Variants in MRTFB observed in about 807,000 individuals in gnomAD.
MRTFB encodes the protein myocardin-related transcription factor B.
Under a neutral mutation model 104.2 loss-of-function variants are expected in MRTFB, and 29 were observed. The ratio of observed to expected loss-of-function variants is 0.28; its 90% CI spans 0.21 to 0.38. The LOEUF is 0.38. Ranked by LOEUF, MRTFB falls within the 10% of genes least tolerant of loss-of-function variation. MRTFB has a pLI of 1.00. For missense variants in MRTFB, 1,270 were observed against 1,341.6 expected, an observed-to-expected ratio of 0.95 and a Z score of 0.83; for synonymous variants, 535 against 519.5, an observed-to-expected ratio of 1.03 and a Z score of -0.41.
the MRTFB span, among the ~76,000 whole-genome samples, chr16:14,022,408 CT>C: frequency 6.6e-6 from 1 of 151,484 alleles, no homozygotes; most frequent in Non-Finnish European, 1.5e-5. Flanking sequence ...AAAAGCATTT[CT>C]TTTTTTTTGA....
intron 15 of MRTFB, among the ~76,000 whole-genome samples, chr16:14,255,852 G>A (rs771446406): frequency 3.3e-5 from 5 of 151,760 alleles, no homozygotes; most frequent in African/African-American, 4.8e-5. Flanking sequence ...GGCATCTCAC[G>A]CCTGTAATCT....
intron 10 of MRTFB, among the ~76,000 whole-genome samples, chr16:14,241,940 C>T (rs1334087828): frequency 6.7e-6 from 1 of 150,236 alleles, no homozygotes; most frequent in Non-Finnish European, 1.5e-5. Context: ...TCCTCCACTG[C>T]CATCCTCCTT....
At chr16:14,067,831 T>A (rs887924199), upstream of MRTFB, among the ~76,000 whole-genome samples, 1 of 152,114 alleles carries the variant, frequency 6.6e-6, no homozygotes, top group Non-Finnish European at 1.5e-5. Flanking sequence ...TAAAAACTAA[T>A]TTTATTTTTA....
chr16:14,066,568 C>T (rs1049245550), upstream of MRTFB, among the ~76,000 whole-genome samples: 7 of 151,926 alleles, frequency 4.6e-5, no homozygotes, highest in Admixed American at 6.6e-5. Context: ...CCACCGTGCC[C>T]GGCCTATTTT....
At chr16:14,248,843 G>T in intron 12 of MRTFB, 83 bp from the exon 13 acceptor site, 1 of 1,433,470 alleles carries the variant, frequency 7.0e-7, no homozygotes, top group Non-Finnish European at 9.6e-7. Flanking sequence ...ATCCCCAAGT[G>T]ACCAGTGATT....
chr16:14,000,539 C>T, the MRTFB span, among the ~76,000 whole-genome samples: 1 of 152,208 alleles, frequency 6.6e-6, no homozygotes, highest in Admixed American at 6.5e-5. Flanking sequence ...AATCACACAG[C>T]TTTTTAGTGC....
rs887104915 is a variant in MRTFB at position 14,247,370 on chromosome 16, G to C, written c.2110G>C (p.Gly704Arg). The part of the protein sequence containing the change: ...VVSQFYVSSQ[G>R]QPPPAVVAQP... Reference sequence around the variant, plus strand: ...CTCGCAGTTTTATGTGAGTTCCCAGGGACAGCCACCGCCTGCTGTTGTTGC... The same window carrying C: ...CTCGCAGTTTTATGTGAGTTCCCAGCGACAGCCACCGCCTGCTGTTGTTGC... The change falls in exon 12 of 17, where the codon GGA becomes CGA. Residue 704 changes from glycine to arginine, a missense_variant. Physicochemically the swap from Gly to Arg is moderately radical, Grantham distance 125. Coordinates refer to ENST00000571589, the MANE Select transcript of MRTFB (RefSeq NM_001308142.2). 4.3e-6 allele frequency: 7 copies of C among 1,613,962 alleles called. No individual in the cohort carries two copies. In the African/African-American group the frequency reaches 9.3e-5, roughly 22 times the overall value.
At chr16:14,043,462 T>C in the MRTFB span, among the ~76,000 whole-genome samples, 1 of 152,122 alleles carries the variant, frequency 6.6e-6, no homozygotes, top group Non-Finnish European at 1.5e-5. Flanking sequence ...TGGCATGCAC[T>C]GTGGATGCCA....
At chr16:14,255,257 A>C (rs1402843768) in intron 15 of MRTFB, among the ~76,000 whole-genome samples, 1 of 152,242 alleles carries the variant, frequency 6.6e-6, no homozygotes, top group African/African-American at 2.4e-5. Context: ...AATGGCTGAC[A>C]TGTTCACAAA....
chr16:14,102,552 TG>T (rs2035759501), intron 2 of MRTFB, among the ~76,000 whole-genome samples: 1 of 152,230 alleles, frequency 6.6e-6, no homozygotes, highest in African/African-American at 2.4e-5. Flanking sequence ...TTAGAGTTTT[TG>T]TGTTTTCTAG....
At chr16:14,157,376 A>G (rs1337681817) in intron 3 of MRTFB, among the ~76,000 whole-genome samples, 6 of 152,246 alleles carry the variant, frequency 3.9e-5, no homozygotes, top group African/African-American at 1.4e-4. Flanking sequence ...ATACCACTCA[A>G]AAGTACACAT....
chr16:14,047,437 G>A, the MRTFB span, among the ~76,000 whole-genome samples: 1 of 152,214 alleles, frequency 6.6e-6, no homozygotes, highest in Non-Finnish European at 1.5e-5. Flanking sequence ...CCAGATGTGG[G>A]TCAGATGGCG....
the MRTFB span, among the ~76,000 whole-genome samples, chr16:13,994,998 G>A: frequency 1.3e-5 from 2 of 151,854 alleles, no homozygotes; most frequent in South Asian, 4.1e-4. Context: ...TTCTCAGTAC[G>A]GTTTGGGGAT....
At chr16:14,030,164 A>G in the MRTFB span, among the ~76,000 whole-genome samples, 1 of 152,146 alleles carries the variant, frequency 6.6e-6, no homozygotes, top group Non-Finnish European at 1.5e-5. Context: ...GGTCTCACAG[A>G]AGACACAGGT....
chr16:14,008,277 A>G, the MRTFB span, among the ~76,000 whole-genome samples: 1 of 151,966 alleles, frequency 6.6e-6, no homozygotes, highest in Non-Finnish European at 1.5e-5. Flanking sequence ...GAATCCATTG[A>G]CTAATCCAAG....
At chr16:14,100,048 A>G (rs925362530) in intron 2 of MRTFB, among the ~76,000 whole-genome samples, 1 of 152,202 alleles carries the variant, frequency 6.6e-6, no homozygotes, top group Non-Finnish European at 1.5e-5. Flanking sequence ...TTAAACGAAG[A>G]CAGTTTTACT....
chr16:14,109,880 C>G (rs898123002), intron 2 of MRTFB, among the ~76,000 whole-genome samples: 11 of 152,158 alleles, frequency 7.2e-5, no homozygotes, highest in African/African-American at 2.4e-4. Context: ...ATATCAAATA[C>G]AAATTCCAGT....
intron 3 of MRTFB, among the ~76,000 whole-genome samples, chr16:14,168,364 G>A (rs867920296): frequency 4.5e-4 from 68 of 152,176 alleles, no homozygotes; most frequent in Middle Eastern, 6.8e-3. Context: ...TGCTATCACC[G>A]CAGAAAGTTT....
intron 2 of MRTFB, among the ~76,000 whole-genome samples, chr16:14,087,129 C>T (rs1311123118): frequency 6.6e-6 from 1 of 152,148 alleles, no homozygotes; most frequent in Admixed American, 6.5e-5. Flanking sequence ...GAATAGATCC[C>T]TAGCAAAGCC....
Sources: allele counts gnomAD v4.1 joint callset (sites outside exome capture counted in the v4.1 genomes callset), GRCh38; gene constraint gnomAD v4.1.1; transcripts MANE v1.5; gene names NCBI Gene and HGNC (gene_info 2026-07-23, HGNC 2026-07-21).